Variants in CNTLN observed in about 807,000 individuals in gnomAD.
CNTLN encodes the protein centlein, centrosomal protein.
In CNTLN, 212 loss-of-function variants were observed where a neutral mutation model predicts 180.0. That is an observed-to-expected ratio of 1.18 (90% confidence interval 1.05 to 1.32). The LOEUF is 1.32. Among genes scored for constraint, CNTLN ranks in the 40% most tolerant of loss-of-function variants. The pLI is 0.00. For missense variants in CNTLN, 2,095 were observed against 1,610.9 expected (o/e 1.30, Z -5.14); for synonymous variants, 722 against 563.1 (o/e 1.28, Z -3.99).
chr9:17,250,889 C>T (rs986756085), intron 5 of CNTLN, among the ~76,000 whole-genome samples: 16 of 152,046 alleles, frequency 1.1e-4, no homozygotes, highest in African/African-American at 3.9e-4. Context: ...GCTTTACATC[C>T]TTTCATTTCA....
At chr9:17,343,120 G>A (rs544633047) in intron 12 of CNTLN, among the ~76,000 whole-genome samples, 1 of 152,292 alleles carries the variant, frequency 6.6e-6, no homozygotes, top group South Asian at 2.1e-4. Context: ...CTTGATGAAG[G>A]ATACTCATAT....
chr9:17,322,896 T>C (rs1406538652), intron 8 of CNTLN, among the ~76,000 whole-genome samples: 2 of 152,212 alleles, frequency 1.3e-5, no homozygotes, highest in Non-Finnish European at 2.9e-5. Flanking sequence ...TTTAAAATAA[T>C]ACAACACAAG....
At chr9:17,464,658 T>G (rs1831642255) in intron 21 of CNTLN, 35 bp downstream of exon 21, 7 of 1,284,158 alleles carry the variant, frequency 5.5e-6, no homozygotes. Context: ...ACTAAAAATA[T>G]CACTTCCTGT....
downstream of CNTLN, among the ~76,000 whole-genome samples, chr9:17,505,919 A>G (rs1833925679): frequency 6.6e-6 from 1 of 152,120 alleles, no homozygotes; most frequent in South Asian, 2.1e-4. Flanking sequence ...GCTGGCAGGT[A>G]GAGGGCTGGA....
intron 14 of CNTLN, among the ~76,000 whole-genome samples, chr9:17,390,504 A>G (rs981082435): frequency 2.0e-5 from 3 of 151,966 alleles, no homozygotes; most frequent in Non-Finnish European, 2.9e-5. Flanking sequence ...TCAGCCTCCC[A>G]AAGTGCTGGG....
In CNTLN at chr9:17,387,180, T is replaced by A. The variant is rs549841373; in HGVS notation, c.1988-982T>A. ...CTGTTTATACCAGGAGGATTTCTAC[T>A]CTACAGAGAATAATATTGTTTTCTT... is the stretch of plus-strand genomic sequence containing the variant. On this transcript the variant is annotated intron_variant, in intron 13 of 25. Coordinates refer to ENST00000380647, the MANE Select transcript of CNTLN (RefSeq NM_017738.4). Among the ~76,000 whole-genome samples the A allele has an allele frequency of 2.6e-5, 4 of 152,320 alleles. No individual in the cohort carries two copies. The South Asian group carries it at 6.2e-4, about 24-fold the overall frequency.
chr9:17,432,457 A>T (rs760937802), intron 18 of CNTLN, among the ~76,000 whole-genome samples: 2 of 152,184 alleles, frequency 1.3e-5, no homozygotes, highest in African/African-American at 2.4e-5. Context: ...TAGATAGAAT[A>T]ATTTATTCAG....
intron 15 of CNTLN, among the ~76,000 whole-genome samples, chr9:17,398,017 A>T (rs2133755793): frequency 6.6e-6 from 1 of 152,080 alleles, no homozygotes; most frequent in African/African-American, 2.4e-5. Context: ...ATATTGAAAA[A>T]AATAGTATGT....
At chr9:17,250,322 T>A (rs1563920839) in intron 5 of CNTLN, among the ~76,000 whole-genome samples, 1 of 152,020 alleles carries the variant, frequency 6.6e-6, no homozygotes, top group Non-Finnish European at 1.5e-5. Context: ...TTTATGCCAA[T>A]CTCTTTTTTT....
intron 8 of CNTLN, among the ~76,000 whole-genome samples, chr9:17,327,694 C>G (rs889367467): frequency 5.3e-5 from 8 of 151,954 alleles, no homozygotes; most frequent in African/African-American, 1.9e-4. Context: ...TGGCTTATGC[C>G]TGTAATCCCA....
chr9:17,461,721 T>C (rs1831458087), intron 19 of CNTLN, among the ~76,000 whole-genome samples: 1 of 151,556 alleles, frequency 6.6e-6, no homozygotes, highest in African/African-American at 2.4e-5. Flanking sequence ...AAATAACTAC[T>C]CCAAATATTT....
chr9:17,410,818 G>A (rs1482777237), intron 16 of CNTLN, among the ~76,000 whole-genome samples: 1 of 151,956 alleles, frequency 6.6e-6, no homozygotes, highest in African/African-American at 2.4e-5. Context: ...CACCTTTATT[G>A]TAAATCCAAT....
At chr9:17,217,214 C>T (rs1587201121) in intron 2 of CNTLN, among the ~76,000 whole-genome samples, 1 of 152,184 alleles carries the variant, frequency 6.6e-6, no homozygotes, top group East Asian at 1.9e-4. Flanking sequence ...AATCTTTATA[C>T]ACATGGCAGA....
At chr9:17,488,819 T>A (rs1833008225) in intron 25 of CNTLN, among the ~76,000 whole-genome samples, 1 of 152,114 alleles carries the variant, frequency 6.6e-6, no homozygotes, top group Non-Finnish European at 1.5e-5. Flanking sequence ...CCAGGTTTAT[T>A]TGTGGACTCC....
chr9:17,488,297 A>C (rs1322841523), intron 25 of CNTLN, among the ~76,000 whole-genome samples: 1 of 151,674 alleles, frequency 6.6e-6, no homozygotes, highest in Non-Finnish European at 1.5e-5. Context: ...CAGGTGCTAG[A>C]CAAAGCCTTT....
intron 5 of CNTLN, among the ~76,000 whole-genome samples, chr9:17,264,322 T>C (rs1488596454): frequency 1.3e-5 from 2 of 151,414 alleles, no homozygotes; most frequent in African/African-American, 4.9e-5. Flanking sequence ...ATTGCTTGTT[T>C]TTCTCAGGTT....
At chr9:17,162,179 A>G (rs1819727005) in intron 2 of CNTLN, among the ~76,000 whole-genome samples, 1 of 151,618 alleles carries the variant, frequency 6.6e-6, no homozygotes, top group Non-Finnish European at 1.5e-5. Flanking sequence ...CAGTGGCGCG[A>G]TCTCAGCTCA....
chr9:17,290,364 G>A (rs201553696), intron 6 of CNTLN, among the ~76,000 whole-genome samples: 31,288 of 146,122 alleles, frequency 0.21, 3,481 homozygotes, highest in South Asian at 0.32. Flanking sequence ...CAGTCTGCCC[G>A]TTCTCAGATC....
intron 5 of CNTLN, among the ~76,000 whole-genome samples, chr9:17,269,437 C>G (rs546277590): frequency 9.0e-4 from 137 of 151,978 alleles, no homozygotes; most frequent in Non-Finnish European, 1.5e-3. Context: ...TTCTGCATCC[C>G]AGAAGTTTTG....
Sources: allele counts gnomAD v4.1 joint callset (sites outside exome capture counted in the v4.1 genomes callset), GRCh38; gene constraint gnomAD v4.1.1; transcripts MANE v1.5; gene names NCBI Gene and HGNC (gene_info 2026-07-23, HGNC 2026-07-21).